PVT1: variants seen among roughly 807,000 people sequenced by gnomAD.
PVT1 encodes Pvt1 oncogene, also known as CXCR4/PVT1 fusion.
At chr8:127,917,917 G>T (rs576670855) in intron 3 of PVT1, among the ~76,000 whole-genome samples, 1 of 152,232 alleles carries the variant, frequency 6.6e-6, no homozygotes, top group Non-Finnish European at 1.5e-5. Flanking sequence ...TGATGCTGGC[G>T]TTCGCCCCTC....
intron 5 of PVT1, among the ~76,000 whole-genome samples, chr8:128,088,199 C>T (rs1814282993): frequency 6.6e-6 from 1 of 152,288 alleles, no homozygotes; most frequent in African/African-American, 2.4e-5. Context: ...CCTGGGCAGC[C>T]CCCTCAGCAA....
intron 4 of PVT1, among the ~76,000 whole-genome samples, chr8:128,002,260 G>A (rs996915208): frequency 6.6e-6 from 1 of 152,146 alleles, no homozygotes; most frequent in Non-Finnish European, 1.5e-5. Context: ...GCCCACCTCG[G>A]TTCCCAGGGA....
At chr8:127,857,661 C>T (rs938882307) in intron 2 of PVT1, among the ~76,000 whole-genome samples, 6 of 152,158 alleles carry the variant, frequency 3.9e-5, no homozygotes, top group South Asian at 2.1e-4. Flanking sequence ...GTCTAGGCCA[C>T]AGAGTGAGAC....
At chr8:128,093,511 C>T (rs376957768) in intron 5 of PVT1, among the ~76,000 whole-genome samples, 2 of 151,314 alleles carry the variant, frequency 1.3e-5, no homozygotes, top group East Asian at 2.0e-4. Flanking sequence ...GAACTGAGAT[C>T]GCGCCATTGC....
intron 4 of PVT1, among the ~76,000 whole-genome samples, chr8:128,047,082 T>C (rs1254208301): frequency 6.6e-6 from 1 of 152,224 alleles, no homozygotes; most frequent in Non-Finnish European, 1.5e-5. Context: ...AGGTGTTCTG[T>C]TGGACGACTG....
chr8:128,021,478 A>G (rs994086011), intron 4 of PVT1, among the ~76,000 whole-genome samples: 1 of 151,830 alleles, frequency 6.6e-6, no homozygotes. Context: ...TATTTTTAGT[A>G]GAGACAGGGT....
In PVT1 at chr8:127,967,750, G is replaced by A. The variant is rs185489660; in HGVS notation, n.783-21412G>A. On this transcript the variant is annotated intron_variant and non_coding_transcript_variant, in intron 3 of 10. Coordinates refer to ENST00000651587, the Ensembl canonical transcript of PVT1. Reference sequence around the variant, plus strand: ...CAAGTGCTTTAAGACTCCTTTTAATGTCAGCTTTCTACATCCAGATAAGGA... The same window carrying A: ...CAAGTGCTTTAAGACTCCTTTTAATATCAGCTTTCTACATCCAGATAAGGA... Among the ~76,000 whole-genome samples, 6 of 152,338 alleles carry A rather than the reference G, an allele frequency of 3.9e-5. No individual in the cohort carries two copies. In the East Asian group the frequency reaches 1.2e-3, roughly 29 times the overall value.
At chr8:127,999,531 G>A (rs776610748) in intron 4 of PVT1, among the ~76,000 whole-genome samples, 17 of 150,478 alleles carry the variant, frequency 1.1e-4, no homozygotes, top group Non-Finnish European at 1.8e-4. Flanking sequence ...GTGTGATCTC[G>A]TCTCACTGCA....
chr8:127,917,332 G>A (rs1306446960), intron 3 of PVT1, among the ~76,000 whole-genome samples: 1 of 152,196 alleles, frequency 6.6e-6, no homozygotes, highest in Admixed American at 6.5e-5. Context: ...ATGAGGAGGC[G>A]ATAGATACTG....
chr8:127,871,124 CAG>C (rs1327359909), intron 2 of PVT1, among the ~76,000 whole-genome samples: 2 of 152,186 alleles, frequency 1.3e-5, no homozygotes, highest in Non-Finnish European at 2.9e-5. Flanking sequence ...AAAATAAAGA[CAG>C]AGAGCAAATC....
At chr8:128,072,167 G>T (rs1814006428) in intron 5 of PVT1, among the ~76,000 whole-genome samples, 2 of 152,136 alleles carry the variant, frequency 1.3e-5, no homozygotes, top group East Asian at 1.9e-4. Context: ...CCGAAACTGG[G>T]CTTTTATCCA....
intron 3 of PVT1, among the ~76,000 whole-genome samples, chr8:127,917,858 C>T (rs146692076): frequency 8.5e-4 from 129 of 152,354 alleles, no homozygotes; most frequent in African/African-American, 2.9e-3. Flanking sequence ...CCTGTGTTTC[C>T]GACAGGCCAG....
At chr8:127,975,060 G>T (rs1489969642) in intron 3 of PVT1, among the ~76,000 whole-genome samples, 2 of 152,130 alleles carry the variant, frequency 1.3e-5, no homozygotes, top group Non-Finnish European at 2.9e-5. Context: ...TTCTAAATCA[G>T]TTCTCTGTTG....
At chr8:127,866,311 A>G (rs1254249305) in intron 2 of PVT1, among the ~76,000 whole-genome samples, 1 of 151,974 alleles carries the variant, frequency 6.6e-6, no homozygotes, top group East Asian at 1.9e-4. Flanking sequence ...TGTAGGGAGC[A>G]TGGCTGCCCC....
chr8:127,968,644 C>G (rs1389215989), intron 3 of PVT1, among the ~76,000 whole-genome samples: 1 of 152,138 alleles, frequency 6.6e-6, no homozygotes, highest in Non-Finnish European at 1.5e-5. Context: ...TGAATTGTAT[C>G]CCCTAAATAG....
intron 4 of PVT1, among the ~76,000 whole-genome samples, chr8:128,026,629 T>C (rs1471029987): frequency 6.6e-6 from 1 of 152,130 alleles, no homozygotes; most frequent in Non-Finnish European, 1.5e-5. Flanking sequence ...CAGGGCAGGC[T>C]GGAGGGTGAG....
intron 2 of PVT1, among the ~76,000 whole-genome samples, chr8:127,843,941 G>A (rs986785918): frequency 2.0e-5 from 3 of 152,002 alleles, no homozygotes; most frequent in African/African-American, 7.2e-5. Flanking sequence ...TGGTTTCTCT[G>A]GGGAGCCTCC....
intron 3 of PVT1, chr8:127,960,561 G>A: frequency 2.6e-6 from 1 of 385,760 alleles, no homozygotes; most frequent in Non-Finnish European, 5.4e-6. Context: ...GGATCTTTGT[G>A]GCCTTCTGGA....
At chr8:127,879,849 T>C (rs771884694) in intron 2 of PVT1, among the ~76,000 whole-genome samples, 2 of 152,248 alleles carry the variant, frequency 1.3e-5, no homozygotes, top group African/African-American at 4.8e-5. Context: ...GTTCCTCCTC[T>C]AGGCATTGTG....
Sources: allele counts gnomAD v4.1 joint callset (sites outside exome capture counted in the v4.1 genomes callset), GRCh38; gene constraint gnomAD v4.1.1; transcripts MANE v1.5; gene names NCBI Gene and HGNC (gene_info 2026-07-23, HGNC 2026-07-21).